The following ARHGAP15 variants were observed in gnomAD, a reference collection of about 807,000 sequenced individuals.
ARHGAP15 encodes the protein Rho GTPase activating protein 15.
Under a neutral mutation model 63.7 loss-of-function variants are expected in ARHGAP15, and 51 were observed. That is an observed-to-expected ratio of 0.80 (90% CI 0.64 to 1.01). The LOEUF (loss-of-function observed/expected upper bound fraction) is 1.01, where lower values mean the gene tolerates loss of function less well. Ranked by LOEUF, ARHGAP15 falls within the 50% of genes least tolerant of loss-of-function variation. The pLI, the probability that ARHGAP15 is intolerant of heterozygous loss-of-function variation, is 0.00. For synonymous variants in ARHGAP15, 191 were observed against 193.8 expected (o/e 0.99, Z 0.12); for missense variants, 560 against 564.6 (o/e 0.99, Z 0.08).
intron 6 of ARHGAP15, among the ~76,000 whole-genome samples, chr2:143,432,682 A>C (rs1422099731): frequency 1.3e-5 from 2 of 152,112 alleles, no homozygotes; most frequent in Non-Finnish European, 2.9e-5. Context: ...GCAAGAATTC[A>C]GATGGACCCT....
At chr2:143,624,911 T>TA (rs1242671516) in intron 12 of ARHGAP15, among the ~76,000 whole-genome samples, 1 of 149,912 alleles carries the variant, frequency 6.7e-6, no homozygotes, top group African/African-American at 2.4e-5. Flanking sequence ...GTTTTTTTTT[T>TA]AATTCATAAA....
At chr2:143,346,217 C>G (rs1685279181) in intron 6 of ARHGAP15, among the ~76,000 whole-genome samples, 1 of 125,420 alleles carries the variant, frequency 8.0e-6, no homozygotes. Flanking sequence ...CACACACTCT[C>G]TCTCACACAC....
At position 143,364,269 on chromosome 2, in the gene ARHGAP15, G is replaced by T. The variant is rs567823606; in HGVS notation, c.475-71332G>T. Among the ~76,000 whole-genome samples, 36 of 151,160 alleles carry T rather than the reference G, an allele frequency of 2.4e-4. 1 individual carries two copies. In the South Asian group the frequency reaches 7.3e-3, roughly 31 times the overall value. The stretch of plus-strand genomic sequence containing the variant: ...TAACAGATATCATCTGAATAATATT[G>T]TAGGCACAGATTCACCTTACTCTTG... On this transcript the variant is annotated intron_variant, in intron 6 of 13. Transcript: ENST00000295095.
chr2:143,745,435 CTTTTA>C (rs1686127554), intron 13 of ARHGAP15, among the ~76,000 whole-genome samples: 1 of 152,182 alleles, frequency 6.6e-6, no homozygotes, highest in Non-Finnish European at 1.5e-5. Context: ...TGCCACCATT[CTTTTA>C]TAAGTGTAAG....
chr2:143,345,970 C>T (rs1413434275), intron 6 of ARHGAP15, among the ~76,000 whole-genome samples: 1 of 151,992 alleles, frequency 6.6e-6, no homozygotes, highest in African/African-American at 2.4e-5. Flanking sequence ...GTTTTATTCT[C>T]AAACTGTTGC....
At chr2:143,456,703 C>A (rs527859160) in intron 8 of ARHGAP15, among the ~76,000 whole-genome samples, 1 of 152,078 alleles carries the variant, frequency 6.6e-6, no homozygotes, top group East Asian at 1.9e-4. Flanking sequence ...ATAACTTCAG[C>A]AGTCTAAATC....
intron 6 of ARHGAP15, among the ~76,000 whole-genome samples, chr2:143,287,271 CA>C (rs147286384): frequency 4.3e-4 from 66 of 152,262 alleles, no homozygotes; most frequent in African/African-American, 1.5e-3. Context: ...CCCCAAAACA[CA>C]TTGGAAGAGA....
chr2:143,297,802 G>T (rs533712535), intron 6 of ARHGAP15, among the ~76,000 whole-genome samples: 1 of 151,940 alleles, frequency 6.6e-6, no homozygotes, highest in Admixed American at 6.6e-5. Flanking sequence ...CAAATATTCA[G>T]CAGAGAGCCT....
chr2:143,568,945 T>C (rs909325306), intron 11 of ARHGAP15, among the ~76,000 whole-genome samples: 3 of 152,072 alleles, frequency 2.0e-5, no homozygotes, highest in Non-Finnish European at 4.4e-5. Context: ...TTCTCACTCA[T>C]AGGTGGGAAT....
At chr2:143,754,616 T>C (rs1444175144) in intron 13 of ARHGAP15, among the ~76,000 whole-genome samples, 1 of 152,186 alleles carries the variant, frequency 6.6e-6, no homozygotes, top group African/African-American at 2.4e-5. Flanking sequence ...AATACAGATC[T>C]GTCTGATTCT....
intron 11 of ARHGAP15, among the ~76,000 whole-genome samples, chr2:143,562,240 T>G (rs1212163817): frequency 2.0e-5 from 3 of 152,272 alleles, no homozygotes; most frequent in Non-Finnish European, 4.4e-5. Context: ...TTCATATTAT[T>G]TGCAGCATCA....
At chr2:143,529,554 C>T (rs890239777) in intron 10 of ARHGAP15, among the ~76,000 whole-genome samples, 1 of 152,040 alleles carries the variant, frequency 6.6e-6, no homozygotes, top group African/African-American at 2.4e-5. Context: ...TAATTACCCC[C>T]ATAAAAAAGG....
At chr2:143,286,307 G>A (rs1294351434) in intron 6 of ARHGAP15, among the ~76,000 whole-genome samples, 1 of 152,202 alleles carries the variant, frequency 6.6e-6, no homozygotes. Context: ...GCCAGCCAGA[G>A]TGTTATTTCT....
chr2:143,652,546 T>G (rs1200489829), intron 12 of ARHGAP15, among the ~76,000 whole-genome samples: 1 of 152,134 alleles, frequency 6.6e-6, no homozygotes, highest in Non-Finnish European at 1.5e-5. Flanking sequence ...TTTCACAATA[T>G]AGGGTTTTCC....
chr2:143,246,435 G>C (rs769812818), intron 5 of ARHGAP15, among the ~76,000 whole-genome samples: 1 of 151,688 alleles, frequency 6.6e-6, no homozygotes, highest in Non-Finnish European at 1.5e-5. Context: ...CATTTCGTGG[G>C]GTGGACTCAT....
chr2:143,699,345 GCTCT>G (rs796281075), intron 12 of ARHGAP15, among the ~76,000 whole-genome samples: 12 of 152,150 alleles, frequency 7.9e-5, no homozygotes, highest in African/African-American at 2.4e-4. Context: ...TAATATTTCA[GCTCT>G]CTCTAAGCCA....
chr2:143,629,090 ATTAC>A (rs1182840304), intron 12 of ARHGAP15, among the ~76,000 whole-genome samples: 1 of 152,096 alleles, frequency 6.6e-6, no homozygotes, highest in Non-Finnish European at 1.5e-5. Flanking sequence ...AGCGGTCTGA[ATTAC>A]TTTAATTTTT....
At chr2:143,391,121 G>A (rs975761838) in intron 6 of ARHGAP15, among the ~76,000 whole-genome samples, 1 of 152,250 alleles carries the variant, frequency 6.6e-6, no homozygotes, top group South Asian at 2.1e-4. Flanking sequence ...TGTGACTGTG[G>A]GCTCCCTCAC....
intron 12 of ARHGAP15, among the ~76,000 whole-genome samples, chr2:143,667,669 G>A (rs189461845): frequency 1.5e-4 from 22 of 151,066 alleles, no homozygotes; most frequent in African/African-American, 9.7e-5. Context: ...ATCATAATTT[G>A]TGATAACTTA....
Sources: allele counts gnomAD v4.1 joint callset (sites outside exome capture counted in the v4.1 genomes callset), GRCh38; gene constraint gnomAD v4.1.1; transcripts MANE v1.5; gene names NCBI Gene and HGNC (gene_info 2026-07-23, HGNC 2026-07-21).